The following IFT140 variants were observed in gnomAD, a reference collection of about 807,000 sequenced individuals.
The protein encoded by IFT140 is intraflagellar transport protein 140 homolog.
Under a neutral mutation model 164.6 loss-of-function variants are expected in IFT140, and 133 were observed. The ratio of observed to expected loss-of-function variants is 0.81; its 90% CI spans 0.70 to 0.93. The LOEUF is 0.93. Ranked by LOEUF, IFT140 falls within the 40% of genes least tolerant of loss-of-function variation. The pLI is 0.00. For missense variants in IFT140, 2,045 were observed against 1,972.3 expected, an observed-to-expected ratio of 1.04 and a Z score of -0.70; for synonymous variants, 860 against 817.3, an observed-to-expected ratio of 1.05 and a Z score of -0.89.
chr16:1,609,968 C>T (rs1174518234), intron 2 of IFT140: 1 of 152,266 alleles, frequency 6.6e-6, no homozygotes, highest in Non-Finnish European at 1.5e-5. Context: ...CTCTCACTTT[C>T]AGGCGTCCAG....
intron 19 of IFT140, among the ~76,000 whole-genome samples, chr16:1,544,184 ATTT>A (rs1237730678): frequency 2.6e-5 from 3 of 115,140 alleles, no homozygotes; most frequent in Non-Finnish European, 3.6e-5. Flanking sequence ...CGCCCCACTA[ATTT>A]TTTTTTTTTT....
chr16:1,606,738 G>T (rs1046671942), intron 3 of IFT140, among the ~76,000 whole-genome samples: 2 of 152,104 alleles, frequency 1.3e-5, no homozygotes, highest in South Asian at 2.1e-4. Context: ...GGGATTACAG[G>T]CGTGAGCCAC....
At chr16:1,541,794 A>T (rs1040006557) in intron 19 of IFT140, 1 of 1,176,046 alleles carries the variant, frequency 8.5e-7, no homozygotes. Flanking sequence ...CCACTGCCCA[A>T]TGGAGGCACA....
chr16:1,549,439 T>G (rs1236166020), intron 19 of IFT140, among the ~76,000 whole-genome samples: 1 of 152,242 alleles, frequency 6.6e-6, no homozygotes, highest in African/African-American at 2.4e-5. Context: ...CTTTCTTTGT[T>G]TTTTGAGACT....
Position 1,592,475 on chromosome 16 carries a change from A to AG in IFT140, c.482dup (p.Pro162SerfsTer16), listed in dbSNP as rs763737398. The AG allele has an allele frequency of 1.2e-6, 2 of 1,613,992 alleles. No individual in the cohort carries two copies. The highest frequency in any genetic ancestry group is 1.7e-6 in the Non-Finnish European group (2 of 1,180,010). ...GCAAGCCCCACACTTACTCGCCAGGAGGGGGGAGCCGGAAGATGCAGTGCG... is the reference window on the plus strand; with the variant it reads ...GCAAGCCCCACACTTACTCGCCAGGAGGGGGGGAGCCGGAAGATGCAGTGCG... On this transcript the variant is annotated frameshift_variant, in exon 5 of 31. Transcript: ENST00000426508. LOFTEE classifies it high-confidence loss of function.
rs1273162998 is a variant in IFT140 at position 1,572,032 on chromosome 16, GGGAGA to G, written c.1525-503_1525-499del. On this transcript the variant is annotated intron_variant, in intron 13 of 30. Transcript: ENST00000426508. ...ATGGTTACCCTGGGTGAGGCGGTGG[GGGAGA>G]GGAAGGATGCTAGTTACATGCTGGC... is the stretch of plus-strand genomic sequence containing the variant. Among the ~76,000 whole-genome samples the G allele has an allele frequency of 2.0e-5, 3 of 152,258 alleles. No individual in the cohort carries two copies. In the East Asian group the frequency reaches 5.8e-4, roughly 29 times the overall value.
chr16:1,559,244 A>G (rs1455329064), intron 18 of IFT140, among the ~76,000 whole-genome samples: 1 of 152,226 alleles, frequency 6.6e-6, no homozygotes, highest in African/African-American at 2.4e-5. Context: ...GCTCTGGTTT[A>G]ATAAACTGCA....
chr16:1,567,727 G>A (rs548301823), intron 15 of IFT140, among the ~76,000 whole-genome samples: 19 of 152,264 alleles, frequency 1.2e-4, no homozygotes, highest in African/African-American at 4.1e-4. Context: ...GGAACCAACC[G>A]GCTCCAAACA....
chr16:1,571,619 G>A, intron 13 of IFT140, 85 bp from the exon 14 acceptor site: 1 of 1,350,046 alleles, frequency 7.4e-7, no homozygotes, highest in South Asian at 1.3e-5. Flanking sequence ...ACAAGAAATG[G>A]ATATATTTCA....
intron 30 of IFT140, among the ~76,000 whole-genome samples, chr16:1,513,954 T>C (rs981785009): frequency 6.7e-6 from 1 of 149,506 alleles, no homozygotes; most frequent in Non-Finnish European, 1.5e-5. Context: ...ATTACAGGCG[T>C]GAGCCACTGC....
At position 1,589,768 on chromosome 16, in the gene IFT140, T is replaced by C. The variant is rs1468282289; in HGVS notation, c.647A>G (p.Tyr216Cys). Residue 216 changes from tyrosine (Y) to cysteine (C), a missense_variant, in exon 7 of 31, where the codon TAT becomes TGT. Coordinates refer to ENST00000426508, the MANE Select transcript of IFT140 (RefSeq NM_014714.4). Reference protein sequence around the residue: ...FVSLMDGTVHYVDEKGKTTQV... With the variant: ...FVSLMDGTVHCVDEKGKTTQV... ...AGTGGTCTTGCCCTTCTCATCCACA[T>C]AGTGCACTGTCCCTGGGGACAAACG... 5 of 1,613,928 alleles carry C rather than the reference T, an allele frequency of 3.1e-6. No individual in the cohort carries two copies. In the South Asian group the frequency reaches 3.3e-5, roughly 11 times the overall value.
At chr16:1,578,947 A>T (rs2034415714) in intron 13 of IFT140, among the ~76,000 whole-genome samples, 1 of 152,168 alleles carries the variant, frequency 6.6e-6, no homozygotes, top group Admixed American at 6.5e-5. Context: ...GCTGGGTTCA[A>T]GTGGTCCTCC....
At chr16:1,583,665 T>C (rs1268390488) in intron 11 of IFT140, among the ~76,000 whole-genome samples, 1 of 152,062 alleles carries the variant, frequency 6.6e-6, no homozygotes, top group East Asian at 1.9e-4. Flanking sequence ...CTCTTTCCTT[T>C]ATTTACTTTT....
chr16:1,606,470 T>C (rs2036066222), intron 3 of IFT140, among the ~76,000 whole-genome samples: 1 of 152,252 alleles, frequency 6.6e-6, no homozygotes, highest in South Asian at 2.1e-4. Flanking sequence ...TTCTTTTTTT[T>C]CTTTTCTGAG....
chr16:1,563,380 G>T lies in IFT140; in HGVS notation c.2067+617C>A, dbSNP rs575299248. 9.9e-5 allele frequency among the ~76,000 whole-genome samples: 15 copies of T among 150,900 alleles called. 1 individual carries two copies. Among genetic ancestry groups the T allele is most frequent in the Admixed American group, 9.9e-4 (15 of 15,220 alleles). The stretch of plus-strand genomic sequence containing the variant: ...CGCGATCCCGGCTCACTCCGCCTGG[G>T]AGGCGGAGGTTGCAGTGAGCTGAGA... On this transcript the variant is annotated intron_variant, in intron 17 of 30. Coordinates refer to ENST00000426508, the MANE Select transcript of IFT140 (RefSeq NM_014714.4).
intron 3 of IFT140, among the ~76,000 whole-genome samples, chr16:1,606,825 C>T (rs985831450): frequency 1.3e-5 from 2 of 152,070 alleles, no homozygotes; most frequent in African/African-American, 4.8e-5. Flanking sequence ...ACACACGCAC[C>T]ACACGCACAC....
rs886051723 is a variant in IFT140 at position 1,526,090 on chromosome 16, G to A, written c.2578-13C>T. 2 of 1,572,142 alleles carry A rather than the reference G, an allele frequency of 1.3e-6. No individual in the cohort carries two copies. Among genetic ancestry groups the A allele is most frequent in the Non-Finnish European group, 1.7e-6 (2 of 1,158,620 alleles). The stretch of plus-strand genomic sequence containing the variant: ...GCTCGGCGTCCTCCTGAGGAATGAG[G>A]ATGGGCAGGTGTCGTGCAGCCTCCA... On this transcript the variant is annotated splice_polypyrimidine_tract_variant and intron_variant, in intron 20 of 30. Transcript: ENST00000426508.
intron 26 of IFT140, among the ~76,000 whole-genome samples, chr16:1,521,114 C>G (rs2040514195): frequency 6.6e-6 from 1 of 152,158 alleles, no homozygotes; most frequent in African/African-American, 2.4e-5. Flanking sequence ...TTCTATAATT[C>G]TGAATTTTTA....
intron 4 of IFT140, among the ~76,000 whole-genome samples, chr16:1,596,740 A>G (rs536389413): frequency 2.2e-4 from 34 of 152,242 alleles, no homozygotes; most frequent in African/African-American, 8.2e-4. Flanking sequence ...CAAGACGTAG[A>G]ACTGAGCCCG....
Sources: allele counts gnomAD v4.1 joint callset (sites outside exome capture counted in the v4.1 genomes callset), GRCh38; gene constraint gnomAD v4.1.1; transcripts MANE v1.5; gene names NCBI Gene and HGNC (gene_info 2026-07-23, HGNC 2026-07-21).